STARD8: variants seen among roughly 807,000 people sequenced by gnomAD.
STARD8 encodes the protein StAR related lipid transfer domain containing 8.
A neutral mutation model predicts 69.4 loss-of-function variants in STARD8; 25 were observed. The observed-to-expected ratio is 0.36, with a 90% CI of 0.26 to 0.50. STARD8 has a LOEUF of 0.50. Among genes scored for constraint, STARD8 ranks in the 20% least tolerant of loss-of-function variants. STARD8 has a pLI of 0.96. For missense variants in STARD8, 921 were observed against 932.5 expected, an observed-to-expected ratio of 0.99 and a Z score of 0.16; for synonymous variants, 389 against 374.6, an observed-to-expected ratio of 1.04 and a Z score of -0.45.
chrX:68,692,351 T>C (rs986329172), intron 2 of STARD8, among the ~76,000 whole-genome samples: 1 of 112,049 alleles, frequency 8.9e-6, no homozygotes, highest in Non-Finnish European at 1.9e-5. Flanking sequence ...CTCCTCTGAC[T>C]CTCATCAGGG....
At position 68,717,643 on chromosome X, in the gene STARD8, A is replaced by C; in HGVS notation, c.729A>C (p.Ser243=). ...CCTCAGAGAAGGTCTCCAAAGCCTC[A>C]TCTTTCCGCAGTTGTCGTGGCTTCC... ...PATSEKVSKA[S]SFRSCRGFLS... Residue 243 remains serine, a synonymous_variant, in exon 6 of 15, where the codon TCA becomes TCC. Coordinates refer to ENST00000374599, the MANE Select transcript of STARD8 (RefSeq NM_001142503.3). 2 of 1,212,048 alleles carry C rather than the reference A, an allele frequency of 1.7e-6. No homozygotes were observed. The highest frequency in any genetic ancestry group is 3.0e-5 in the East Asian group (1 of 33,844).
At chrX:68,687,353 G>T (rs1476186732) in intron 2 of STARD8, among the ~76,000 whole-genome samples, 1 of 111,228 alleles carries the variant, frequency 9.0e-6, no homozygotes, top group African/African-American at 3.3e-5. Flanking sequence ...AAGTTTTGGG[G>T]TACTTATATT....
At position 68,723,893 on chromosome X, in the gene STARD8, G is replaced by A. The variant is rs1297947906; in HGVS notation, c.3017+50G>A. 3.3e-6 allele frequency: 4 copies of A among 1,205,467 alleles called. No homozygotes were observed. The East Asian group carries it at 8.9e-5, about 27-fold the overall frequency. On this transcript the variant is annotated intron_variant, in intron 13 of 14. Coordinates refer to ENST00000374599, the MANE Select transcript of STARD8 (RefSeq NM_001142503.3). ...TCTGTGCTTGGGGGGCCGGAGAAGT[G>A]GGGTGGAAACCAGCACTAGGAATCT...
chrX:68,657,745 G>A (rs141977086), intron 1 of STARD8, among the ~76,000 whole-genome samples: 1,284 of 110,161 alleles, frequency 0.012, 19 homozygotes, highest in African/African-American at 0.041. Flanking sequence ...TGCCTGATCC[G>A]AAGCTCCTAA....
chrX:68,673,316 A>G (rs984689029), intron 2 of STARD8, among the ~76,000 whole-genome samples: 5 of 112,541 alleles, frequency 4.4e-5, no homozygotes, highest in Non-Finnish European at 7.5e-5. Context: ...AACAACATTC[A>G]GGCCTTGCCA....
chrX:68,694,823 G>A (rs916758982), intron 2 of STARD8, among the ~76,000 whole-genome samples: 9 of 110,972 alleles, frequency 8.1e-5, no homozygotes, highest in African/African-American at 3.0e-4. Context: ...TAGAGTGTGC[G>A]TGGAGGGGTG....
chrX:68,699,705 A>G (rs1423937832), intron 2 of STARD8, among the ~76,000 whole-genome samples: 1 of 111,937 alleles, frequency 8.9e-6, no homozygotes, highest in Non-Finnish European at 1.9e-5. Context: ...TGGGGGCAGG[A>G]AATGGGGCAC....
At chrX:68,708,430 T>C (rs1442530809) in intron 2 of STARD8, among the ~76,000 whole-genome samples, 1 of 112,643 alleles carries the variant, frequency 8.9e-6, no homozygotes, top group Non-Finnish European at 1.9e-5. Context: ...CTTCTCAGCA[T>C]AGAAAACTGC....
intron 7 of STARD8, among the ~76,000 whole-genome samples, chrX:68,719,995 A>G (rs867343554): frequency 2.7e-5 from 3 of 111,730 alleles, no homozygotes; most frequent in Non-Finnish European, 3.8e-5. Context: ...CCCTCCCTCA[A>G]TGGGTCTTCC....
chrX:68,720,034 A>G lies in STARD8; in HGVS notation c.1890-230A>G, dbSNP rs62604448. The stretch of plus-strand genomic sequence containing the variant: ...AAGTTCTTGGCCTCCTACTGGCCAC[A>G]TGAGTTGTTACTGCCTATTGACACA... On this transcript the variant is annotated intron_variant, in intron 7 of 14. Coordinates refer to ENST00000374599, the MANE Select transcript of STARD8 (RefSeq NM_001142503.3). Among the ~76,000 whole-genome samples the G allele has an allele frequency of 9.2e-3, 1,035 of 112,134 alleles. 7 individuals carry two copies. Among genetic ancestry groups the G allele is most frequent in the Non-Finnish European group, 0.015 (790 of 53,195 alleles).
intron 12 of STARD8, 123 bp from the exon 13 acceptor site, chrX:68,723,503 G>A: frequency 3.4e-6 from 2 of 593,616 alleles, no homozygotes; most frequent in Non-Finnish European, 5.1e-6. Flanking sequence ...AGCGCTAGCA[G>A]AGGAGCTCTG....
chrX:68,708,860 A>G (rs1324480078), intron 2 of STARD8, among the ~76,000 whole-genome samples: 2 of 111,493 alleles, frequency 1.8e-5, no homozygotes, highest in Non-Finnish European at 3.8e-5. Flanking sequence ...CACTCACCTC[A>G]GCCTGCCCGT....
intron 2 of STARD8, among the ~76,000 whole-genome samples, chrX:68,711,434 A>C (rs1311192377): frequency 9.0e-6 from 1 of 111,525 alleles, no homozygotes; most frequent in Non-Finnish European, 1.9e-5. Context: ...TGTGGTGGGC[A>C]CTGACCTGTT....
Position 68,718,400 on chromosome X carries a change from G to T in STARD8, c.1486G>T (p.Asp496Tyr). ...AGCCCCGGCCCCGGCCCCAGCCCAG[G>T]ACAGTGAGCAGGAGGCACATTCAGG... ...APAPAPAPAQDSEQEAHSGGE... is the reference protein window; with the variant it reads ...APAPAPAPAQYSEQEAHSGGE... The change falls in exon 6 of 15, where the codon GAC becomes TAC. Residue 496 changes from aspartate (D) to tyrosine (Y), a missense_variant. By Grantham distance (160) the Asp-to-Tyr change is radical (BLOSUM62 -3). Transcript: ENST00000374599. 6 of 1,209,916 alleles carry T rather than the reference G, an allele frequency of 5.0e-6. No homozygotes were observed. The highest frequency in any genetic ancestry group is 6.7e-6 in the Non-Finnish European group (6 of 894,635).
chrX:68,653,333 C>A (rs1380553988), intron 1 of STARD8, among the ~76,000 whole-genome samples: 9 of 33,916 alleles, frequency 2.7e-4, no homozygotes, highest in African/African-American at 3.4e-4. Flanking sequence ...CACACACACC[C>A]CACACACCAC....
intron 6 of STARD8, 29 bp downstream of exon 6, chrX:68,718,658 C>A (rs755435048): frequency 8.7e-7 from 1 of 1,151,815 alleles, no homozygotes; most frequent in African/African-American, 1.8e-5. Flanking sequence ...ATGGGGCGGA[C>A]GCAGGGTCTC....
intron 2 of STARD8, among the ~76,000 whole-genome samples, chrX:68,711,923 C>A (rs1231913199): frequency 8.9e-6 from 1 of 112,876 alleles, no homozygotes; most frequent in Non-Finnish European, 1.9e-5. Context: ...GATGCCAGGT[C>A]CCATGGTCCC....
chrX:68,650,930 C>T (rs1197988461), intron 1 of STARD8, among the ~76,000 whole-genome samples: 2 of 112,882 alleles, frequency 1.8e-5, no homozygotes, highest in Non-Finnish European at 3.7e-5. Flanking sequence ...AGTGTGTCCA[C>T]AGAGGACATA....
chrX:68,724,566 C>T lies in STARD8; in HGVS notation c.*144C>T, dbSNP rs1406724541. ...TGGCTCCAGCTGCCTGTCCTGTCCC[C>T]TTTCCTAAAGCTCCTCTGCACATAG... On this transcript the variant is annotated 3_prime_UTR_variant, in exon 15 of 15. Transcript: ENST00000374599. The T allele has an allele frequency of 2.2e-6, 1 of 462,228 alleles. No homozygotes were observed. The highest frequency in any genetic ancestry group is 3.7e-6 in the Non-Finnish European group (1 of 272,513). 38.1% of individuals were successfully genotyped at this position (462,228 alleles called of 1,213,427 possible). A position where few individuals can be genotyped will look rare whatever the true frequency, so the allele number is the denominator to read the frequency against.
Sources: gnomAD v4.1 joint callset for allele counts (sites outside exome capture counted in the v4.1 genomes callset) on GRCh38, gnomAD v4.1.1 for gene constraint, MANE v1.5 for transcripts, NCBI Gene and HGNC (gene_info 2026-07-23, HGNC 2026-07-21) for gene names.